The following ATP8A2 variants were observed in gnomAD, a reference collection of about 807,000 sequenced individuals.
ATP8A2 encodes ATPase phospholipid transporting 8A2.
A neutral mutation model predicts 165.6 loss-of-function variants in ATP8A2; 100 were observed. That is an observed-to-expected ratio of 0.60 (90% CI 0.51 to 0.71). The LOEUF (loss-of-function observed/expected upper bound fraction) is 0.71, where lower values mean the gene tolerates loss of function less well. Ranked by LOEUF, ATP8A2 falls within the 30% of genes least tolerant of loss-of-function variation. ATP8A2 has a pLI of 0.00. For missense variants in ATP8A2, 1,227 were observed against 1,479.5 expected (o/e 0.83, Z 2.80); for synonymous variants, 543 against 548.8 (o/e 0.99, Z 0.15).
At chr13:25,815,573 G>T (rs1950994174) in intron 27 of ATP8A2, among the ~76,000 whole-genome samples, 1 of 152,190 alleles carries the variant, frequency 6.6e-6, no homozygotes, top group East Asian at 1.9e-4. Context: ...TGAAACTCTT[G>T]TGTATTGCTG....
Position 25,839,589 on chromosome 13 carries a change from T to A in ATP8A2, c.2921T>A (p.Ile974Asn), listed in dbSNP as rs1330325468. The change falls in exon 30 of 37, where the codon ATC becomes AAC. Residue 974 changes from isoleucine to asparagine, a missense_variant. By Grantham distance (149) the Ile-to-Asn change is moderately radical (BLOSUM62 -3). This residue lies in a region of ATP8A2 where 260 missense variants were observed against 245.1 expected (regional missense o/e 1.06). Transcript: ENST00000381655. ...ATCAACGCCTTGGTCCACTCCCTCA[T>A]CCTCTTCTGGTTTCCCATGAAAGCT... ...HCINALVHSL[I>N]LFWFPMKALE... 6.2e-7 allele frequency: 1 copy of A among 1,614,112 alleles called. No homozygotes were observed. Among genetic ancestry groups the A allele is most frequent in the East Asian group, 2.2e-5 (1 of 44,876 alleles).
intron 25 of ATP8A2, among the ~76,000 whole-genome samples, chr13:25,742,296 C>T (rs2043931182): frequency 6.6e-6 from 1 of 151,872 alleles, no homozygotes. Flanking sequence ...TATGCAAAAA[C>T]ATCGTTATGG....
At chr13:25,636,023 A>C (rs2041359109) in intron 24 of ATP8A2, among the ~76,000 whole-genome samples, 1 of 152,092 alleles carries the variant, frequency 6.6e-6, no homozygotes, top group Admixed American at 6.6e-5. Context: ...AAGATGGATG[A>C]GTATGGGGGG....
intron 1 of ATP8A2, among the ~76,000 whole-genome samples, chr13:25,457,561 T>C (rs187044388): frequency 2.3e-4 from 35 of 152,228 alleles, no homozygotes; most frequent in Admixed American, 1.5e-3. Context: ...GTTATGAGGA[T>C]TGGATGGATT....
intron 1 of ATP8A2, among the ~76,000 whole-genome samples, chr13:25,387,811 C>T (rs964578582): frequency 1.3e-5 from 2 of 152,120 alleles, no homozygotes; most frequent in Non-Finnish European, 2.9e-5. Flanking sequence ...TGCCTGTAAT[C>T]CCAGCACTTT....
chr13:25,559,324 G>A (rs2039074138), intron 14 of ATP8A2, among the ~76,000 whole-genome samples: 1 of 152,132 alleles, frequency 6.6e-6, no homozygotes, highest in Non-Finnish European at 1.5e-5. Flanking sequence ...CCTGAGGTTG[G>A]GAGTTCGAGA....
chr13:25,895,411 G>A (rs1218025783), intron 33 of ATP8A2, among the ~76,000 whole-genome samples: 1 of 152,210 alleles, frequency 6.6e-6, no homozygotes, highest in Admixed American at 6.5e-5. Context: ...TAAGCTTTTT[G>A]ATGTGTTGCT....
At chr13:25,388,450 C>T (rs1279292549) in intron 1 of ATP8A2, among the ~76,000 whole-genome samples, 1 of 152,140 alleles carries the variant, frequency 6.6e-6, no homozygotes, top group Non-Finnish European at 1.5e-5. Flanking sequence ...ATTCCTGTCC[C>T]TTTTAAGGGC....
rs867482047 is a variant in ATP8A2, at chr13:25,805,319, C to T, written c.2680-22799C>T. ...AGCCTAGGAGTTCGATACCAGCCTG[C>T]GCAACATGGCAAAAATCTATCTCTA... On this transcript the variant is annotated intron_variant, in intron 27 of 36. Coordinates refer to ENST00000381655, the MANE Select transcript of ATP8A2 (RefSeq NM_016529.6). 1.5e-4 allele frequency among the ~76,000 whole-genome samples: 23 copies of T among 151,940 alleles called. No homozygotes were observed. In the South Asian group the frequency reaches 1.9e-3, roughly 12 times the overall value.
chr13:25,549,487 A>G (rs2038754415), intron 10 of ATP8A2, among the ~76,000 whole-genome samples: 1 of 147,484 alleles, frequency 6.8e-6, no homozygotes, highest in Non-Finnish European at 1.5e-5. Context: ...GCCTGGGCCC[A>G]TGATTCATGG....
chr13:25,860,364 T>C (rs1952310292), intron 31 of ATP8A2, 108 bp downstream of exon 31: 1 of 614,508 alleles, frequency 1.6e-6, no homozygotes, highest in Non-Finnish European at 2.8e-6. Flanking sequence ...TTATTTCAAA[T>C]CTTCAAAATG....
chr13:25,894,897 T>C (rs1013759235), intron 33 of ATP8A2, among the ~76,000 whole-genome samples: 1 of 152,166 alleles, frequency 6.6e-6, no homozygotes, highest in Non-Finnish European at 1.5e-5. Context: ...ATCCTGAGAC[T>C]TTGCTGAAGT....
chr13:25,954,064 T>C (rs1265011734), intron 33 of ATP8A2, among the ~76,000 whole-genome samples: 1 of 152,098 alleles, frequency 6.6e-6, no homozygotes, highest in East Asian at 1.9e-4. Flanking sequence ...TCTAGCTCAG[T>C]GGATCCCACC....
chr13:25,661,417 C>A (rs902952970), intron 24 of ATP8A2, among the ~76,000 whole-genome samples: 3 of 152,190 alleles, frequency 2.0e-5, no homozygotes, highest in African/African-American at 7.2e-5. Context: ...CTGGTGTTTT[C>A]ATTGTGGTAG....
intron 1 of ATP8A2, among the ~76,000 whole-genome samples, chr13:25,442,258 A>G (rs1026899154): frequency 6.6e-6 from 1 of 152,170 alleles, no homozygotes; most frequent in Non-Finnish European, 1.5e-5. Context: ...GTACATATAT[A>G]CTCAGAAGTG....
chr13:25,619,756 G>A (rs187483034), intron 24 of ATP8A2, among the ~76,000 whole-genome samples: 2 of 152,196 alleles, frequency 1.3e-5, no homozygotes, highest in African/African-American at 4.8e-5. Context: ...GTCAACAAAC[G>A]TTTTTCTGTA....
chr13:25,600,728 G>A lies in ATP8A2; in HGVS notation c.2211+11029G>A, dbSNP rs542995872. ...CTCCTCTCTGTCTTCCCAATCTTAA[G>A]CAAATGCATCTTGTTGATAGAATTC... On this transcript the variant is annotated intron_variant, in intron 24 of 36. Coordinates refer to ENST00000381655, the MANE Select transcript of ATP8A2 (RefSeq NM_016529.6). 3.3e-5 allele frequency among the ~76,000 whole-genome samples: 5 copies of A among 152,282 alleles called. No individual in the cohort carries two copies. In the South Asian group the frequency reaches 1.0e-3, roughly 32 times the overall value.
chr13:25,483,201 G>A (rs1228553120), intron 2 of ATP8A2, among the ~76,000 whole-genome samples: 3 of 152,234 alleles, frequency 2.0e-5, no homozygotes, highest in African/African-American at 7.2e-5. Flanking sequence ...ATGGTTAGCA[G>A]TGGGGCTGTA....
At chr13:25,639,549 C>A (rs2041459549) in intron 24 of ATP8A2, among the ~76,000 whole-genome samples, 1 of 152,178 alleles carries the variant, frequency 6.6e-6, no homozygotes, top group South Asian at 2.1e-4. Flanking sequence ...ACAAGAAGAG[C>A]TAACTATCCT....
Sources: gnomAD v4.1 joint callset for allele counts (sites outside exome capture counted in the v4.1 genomes callset) on GRCh38, gnomAD v4.1.1 for gene constraint, gnomAD v4.1.1 regional missense constraint, MANE v1.5 for transcripts, NCBI Gene and HGNC (gene_info 2026-07-23, HGNC 2026-07-21) for gene names.